FKBP5: variants seen among roughly 807,000 people sequenced by gnomAD.
The protein encoded by FKBP5 is FKBP prolyl isomerase 5.
A neutral mutation model predicts 50.5 loss-of-function variants in FKBP5; 23 were observed. That is an observed-to-expected ratio of 0.46 (90% confidence interval 0.33 to 0.65). The LOEUF (loss-of-function observed/expected upper bound fraction) is 0.65, where lower values mean the gene tolerates loss of function less well. Among genes scored for constraint, FKBP5 ranks in the 30% least tolerant of loss-of-function variants. The pLI is 0.02. For synonymous variants in FKBP5, 176 were observed against 190.6 expected, an observed-to-expected ratio of 0.92 and a Z score of 0.63; for missense variants, 411 against 553.1, an observed-to-expected ratio of 0.74 and a Z score of 2.58.
At chr6:35,617,369 G>A (rs149781089) in intron 5 of FKBP5, among the ~76,000 whole-genome samples, 2 of 151,758 alleles carry the variant, frequency 1.3e-5, no homozygotes, top group Admixed American at 1.3e-4. Context: ...CTAGGCTAGA[G>A]TGCACTGGCT....
chr6:35,693,311 C>T (rs1264060661), upstream of FKBP5, among the ~76,000 whole-genome samples: 12 of 150,988 alleles, frequency 7.9e-5, 1 homozygote, highest in East Asian at 2.0e-4. Flanking sequence ...TACAGGTGCC[C>T]GCCACCACGC....
intron 3 of FKBP5, among the ~76,000 whole-genome samples, chr6:35,630,433 G>C (rs1417521387): frequency 6.6e-6 from 1 of 152,112 alleles, no homozygotes; most frequent in Non-Finnish European, 1.5e-5. Flanking sequence ...TGTAATCCCA[G>C]CTACTCAGGA....
intron 5 of FKBP5, among the ~76,000 whole-genome samples, chr6:35,599,167 A>G (rs1763073096): frequency 6.6e-6 from 1 of 152,178 alleles, no homozygotes; most frequent in South Asian, 2.1e-4. Flanking sequence ...TGTTATACTC[A>G]TTCCATGCCC....
intron 6 of FKBP5, 104 bp from the exon 7 acceptor site, chr6:35,591,324 A>G: frequency 1.4e-6 from 1 of 721,920 alleles, no homozygotes; most frequent in Non-Finnish European, 2.4e-6. Flanking sequence ...TGCAAGCTAC[A>G]TGTGTCAGAG....
intron 1 of FKBP5, among the ~76,000 whole-genome samples, chr6:35,678,210 G>C (rs1362919600): frequency 2.6e-5 from 4 of 152,074 alleles, no homozygotes; most frequent in African/African-American, 9.7e-5. Context: ...AGCTGAAGAG[G>C]GAAGTCAGGA....
chr6:35,701,959 T>C (rs1325102773), intron 2 of FKBP5, among the ~76,000 whole-genome samples: 1 of 151,368 alleles, frequency 6.6e-6, no homozygotes, highest in Non-Finnish European at 1.5e-5. Context: ...GCAATTCTCA[T>C]ACCTCAGCCT....
rs1762169768 is a variant in FKBP5, at chr6:35,574,995, T to G, written c.*840A>C. ...GTACTGTGTATTGAATATTATTCCCTAAAAGGAATAGAGGAGGGGAGAAAA... is the reference window on the plus strand; with the variant it reads ...GTACTGTGTATTGAATATTATTCCCGAAAAGGAATAGAGGAGGGGAGAAAA... On this transcript the variant is annotated 3_prime_UTR_variant, in exon 11 of 11. Transcript: ENST00000357266. The G allele has an allele frequency of 6.6e-6, 1 of 152,180 alleles. No homozygotes were observed. Among genetic ancestry groups the G allele is most frequent in the Admixed American group, 6.5e-5 (1 of 15,284 alleles). 9.4% of individuals were successfully genotyped at this position (152,180 alleles called of 1,614,324 possible). A position where few individuals can be genotyped will look rare whatever the true frequency, so the allele number is the denominator to read the frequency against.
At chr6:35,621,528 G>T (rs985877452) in intron 3 of FKBP5, among the ~76,000 whole-genome samples, 1 of 150,662 alleles carries the variant, frequency 6.6e-6, no homozygotes, top group African/African-American at 2.4e-5. Flanking sequence ...TGAGGCAGGA[G>T]AATTGCTTGA....
chr6:35,576,990 A>C lies in FKBP5; in HGVS notation c.1266+4T>G. On this transcript the variant is annotated splice_donor_region_variant and intron_variant, in intron 10 of 10. Transcript: ENST00000357266. ...CACCTGCAGTCATCAGGCTCTGCAC[A>C]CACCTTGGCATCCTGCTCTGCAAAC... The C allele has an allele frequency of 6.2e-7, 1 of 1,613,644 alleles. No individual in the cohort carries two copies. The highest frequency in any genetic ancestry group is 8.5e-7 in the Non-Finnish European group (1 of 1,179,976).
chr6:35,670,825 T>C (rs1250043428), intron 1 of FKBP5, among the ~76,000 whole-genome samples: 1 of 151,462 alleles, frequency 6.6e-6, no homozygotes, highest in Non-Finnish European at 1.5e-5. Flanking sequence ...TATAAAAATA[T>C]TGAAATAGCC....
chr6:35,601,947 C>T (rs1167748408), intron 5 of FKBP5, among the ~76,000 whole-genome samples: 2 of 152,152 alleles, frequency 1.3e-5, no homozygotes, highest in Non-Finnish European at 2.9e-5. Context: ...CAAAGTCAAA[C>T]CAAACCAAAT....
intron 6 of FKBP5, among the ~76,000 whole-genome samples, chr6:35,592,442 G>A (rs185674637): frequency 7.2e-5 from 11 of 152,226 alleles, no homozygotes; most frequent in Admixed American, 5.9e-4. Flanking sequence ...AATGAGGAGC[G>A]GGGCAAAGGG....
chr6:35,597,415 G>A lies in FKBP5; in HGVS notation c.509-11C>T. On this transcript the variant is annotated splice_polypyrimidine_tract_variant and intron_variant, in intron 5 of 10. Coordinates refer to ENST00000357266, the MANE Select transcript of FKBP5 (RefSeq NM_004117.4). Reference sequence around the variant, plus strand: ...GGCCTTCCAGGTGGACTGAGGGCAAGGAGACAGGAGAGTCAACAGAGCTGC... The same window carrying A: ...GGCCTTCCAGGTGGACTGAGGGCAAAGAGACAGGAGAGTCAACAGAGCTGC... 2 of 1,610,128 alleles carry A rather than the reference G, an allele frequency of 1.2e-6. No individual in the cohort carries two copies. Among genetic ancestry groups the A allele is most frequent in the Admixed American group, 1.7e-5 (1 of 58,610 alleles).
chr6:35,602,356 G>C (rs1763171284), intron 5 of FKBP5, among the ~76,000 whole-genome samples: 1 of 152,030 alleles, frequency 6.6e-6, no homozygotes, highest in African/African-American at 2.4e-5. Flanking sequence ...TCTAATTATA[G>C]TAGTTGGTGT....
chr6:35,594,387 CTATCAGAG>C (rs1321241085), intron 6 of FKBP5, among the ~76,000 whole-genome samples: 1 of 152,138 alleles, frequency 6.6e-6, no homozygotes, highest in Non-Finnish European at 1.5e-5. Flanking sequence ...TCCCGAGAGT[CTATCAGAG>C]TATCAGAGTC....
intron 6 of FKBP5, among the ~76,000 whole-genome samples, chr6:35,594,723 A>G (rs1414514957): frequency 6.6e-6 from 1 of 151,848 alleles, no homozygotes; most frequent in Non-Finnish European, 1.5e-5. Flanking sequence ...TATATGTAGT[A>G]CTACGCAATG....
intron 1 of FKBP5, among the ~76,000 whole-genome samples, chr6:35,663,673 C>T (rs558013987): frequency 1.5e-3 from 223 of 152,324 alleles, no homozygotes; most frequent in African/African-American, 4.9e-3. Context: ...ATCCCCACTA[C>T]CTGGAACTCT....
chr6:35,661,794 G>A (rs1765074013), intron 1 of FKBP5, among the ~76,000 whole-genome samples: 1 of 79,518 alleles, frequency 1.3e-5, no homozygotes, highest in African/African-American at 3.9e-5. Context: ...AAAAGAGTAT[G>A]GCTTCTTGAA....
intron 5 of FKBP5, among the ~76,000 whole-genome samples, chr6:35,609,742 GACTGTCC>G (rs1309082114): frequency 6.6e-6 from 1 of 152,006 alleles, no homozygotes; most frequent in South Asian, 2.1e-4. Flanking sequence ...TGATTTCAGG[GACTGTCC>G]ATTTTGCTCT....
Sources: allele counts gnomAD v4.1 joint callset (sites outside exome capture counted in the v4.1 genomes callset), GRCh38; gene constraint gnomAD v4.1.1; transcripts MANE v1.5; gene names NCBI Gene and HGNC (gene_info 2026-07-23, HGNC 2026-07-21).